The following NEBL variants were observed in gnomAD, a reference collection of about 807,000 sequenced individuals.
NEBL encodes LIM and SH3 protein 2.
Under a neutral mutation model 140.2 loss-of-function variants are expected in NEBL, and 122 were observed. The ratio of observed to expected loss-of-function variants is 0.87; its 90% CI spans 0.75 to 1.01. The LOEUF is 1.01. Ranked by LOEUF, NEBL falls within the 50% of genes least tolerant of loss-of-function variation. The pLI, the probability that NEBL is intolerant of heterozygous loss-of-function variation, is 0.00. For missense variants in NEBL, 1,365 were observed against 1,231.3 expected, an observed-to-expected ratio of 1.11 and a Z score of -1.62; for synonymous variants, 436 against 398.9, an observed-to-expected ratio of 1.09 and a Z score of -1.11.
intron 3 of NEBL, among the ~76,000 whole-genome samples, chr10:20,962,401 T>C (rs1836094077): frequency 6.6e-6 from 1 of 152,232 alleles, no homozygotes; most frequent in South Asian, 2.1e-4. Context: ...CTTATGAAAA[T>C]ATTTATAAAA....
At chr10:21,007,783 T>C (rs1838192757) in intron 3 of NEBL, among the ~76,000 whole-genome samples, 1 of 152,220 alleles carries the variant, frequency 6.6e-6, no homozygotes, top group Non-Finnish European at 1.5e-5. Context: ...GCTTGTTATA[T>C]AGTAGAATGA....
chr10:20,868,634 G>A (rs1844567739), intron 7 of NEBL, 30 bp downstream of exon 7: 1 of 1,400,804 alleles, frequency 7.1e-7, no homozygotes, highest in Non-Finnish European at 1.0e-6. Flanking sequence ...TCTGAATAAA[G>A]TCATTGTGGA....
At chr10:21,131,783 G>T (rs932008553) in intron 2 of NEBL, among the ~76,000 whole-genome samples, 1 of 152,028 alleles carries the variant, frequency 6.6e-6, no homozygotes, top group Non-Finnish European at 1.5e-5. Flanking sequence ...ATAAGGAGAA[G>T]AAAAAAATAA....
intron 20 of NEBL, among the ~76,000 whole-genome samples, chr10:20,818,482 C>G (rs925040127): frequency 3.9e-4 from 60 of 152,276 alleles, no homozygotes; most frequent in African/African-American, 1.4e-3. Flanking sequence ...TCACAACAGA[C>G]TATTGAATGA....
At chr10:21,033,425 GA>G (rs1833877913) in intron 2 of NEBL, among the ~76,000 whole-genome samples, 1 of 152,126 alleles carries the variant, frequency 6.6e-6, no homozygotes, top group African/African-American at 2.4e-5. Flanking sequence ...CTATTTTTAA[GA>G]AAAGACCATG....
At chr10:21,111,030 T>A (rs1368139344) in intron 2 of NEBL, 4 of 297,314 alleles carry the variant, frequency 1.3e-5, no homozygotes, top group Non-Finnish European at 2.6e-5. Context: ...GGAATTTAAC[T>A]TACAAGGGAT....
chr10:21,019,132 A>G lies in NEBL; in HGVS notation c.249+985T>C, dbSNP rs939328044. 3.0e-4 allele frequency among the ~76,000 whole-genome samples: 46 copies of G among 152,150 alleles called. 2 individuals carry two copies. The highest frequency in any genetic ancestry group is 5.9e-5 in the Non-Finnish European group (4 of 68,042). On this transcript the variant is annotated intron_variant, in intron 3 of 6. Coordinates refer to the NEBL transcript ENST00000417816. ...TCTGTGCGTTTCCCTTTCATATACC[A>G]GGAATTCTCAGGGACCATCATTATC...
At chr10:21,018,497 A>G (rs2131764143) in intron 3 of NEBL, among the ~76,000 whole-genome samples, 1 of 152,320 alleles carries the variant, frequency 6.6e-6, no homozygotes, top group Non-Finnish European at 1.5e-5. Flanking sequence ...AACCAAAACC[A>G]GTATACAAAC....
chr10:20,847,627 G>A (rs1304411946), intron 11 of NEBL, among the ~76,000 whole-genome samples: 1 of 152,028 alleles, frequency 6.6e-6, no homozygotes, highest in African/African-American at 2.4e-5. Flanking sequence ...GAGGGGAGGG[G>A]GTAAAGGGAA....
At chr10:20,898,058 T>G (rs1368405519), upstream of NEBL, among the ~76,000 whole-genome samples, 1 of 152,168 alleles carries the variant, frequency 6.6e-6, no homozygotes, top group East Asian at 1.9e-4. Context: ...ACAAAGTCAT[T>G]GGTGATTTGC....
chr10:20,954,537 T>C (rs1199174306), intron 4 of NEBL, among the ~76,000 whole-genome samples: 7 of 152,276 alleles, frequency 4.6e-5, no homozygotes, highest in Non-Finnish European at 7.4e-5. Flanking sequence ...CCCACGGCAA[T>C]GAAAATTCAG....
At chr10:21,207,743 A>G (rs1841850093) in intron 3 of NEBL, among the ~76,000 whole-genome samples, 1 of 152,118 alleles carries the variant, frequency 6.6e-6, no homozygotes, top group Non-Finnish European at 1.5e-5. Flanking sequence ...AGGTCCTAGC[A>G]CTGGAAAAGC....
At chr10:21,012,110 C>T (rs1346453581) in intron 3 of NEBL, among the ~76,000 whole-genome samples, 1 of 152,116 alleles carries the variant, frequency 6.6e-6, no homozygotes, top group East Asian at 1.9e-4. Context: ...AGCCTGCAGT[C>T]AGCAGAGAGA....
intron 4 of NEBL, among the ~76,000 whole-genome samples, chr10:20,944,889 A>G (rs760843182): frequency 1.4e-4 from 22 of 152,214 alleles, no homozygotes; most frequent in Non-Finnish European, 2.6e-4. Context: ...CCGGCTCAAC[A>G]GTCAGACATA....
chr10:21,214,935 A>C (rs1841969183), intron 3 of NEBL, among the ~76,000 whole-genome samples: 1 of 152,120 alleles, frequency 6.6e-6, no homozygotes, highest in Admixed American at 6.6e-5. Context: ...ATCTCCTGGA[A>C]TCTAGCTCCC....
chr10:21,179,793 G>T (rs1302567254), upstream of NEBL, among the ~76,000 whole-genome samples: 2 of 152,056 alleles, frequency 1.3e-5, no homozygotes, highest in African/African-American at 4.8e-5. Flanking sequence ...GAAGACGGAG[G>T]AAGGGGAAGG....
At chr10:20,961,305 G>A (rs550753237) in intron 4 of NEBL, among the ~76,000 whole-genome samples, 26 of 152,084 alleles carry the variant, frequency 1.7e-4, no homozygotes, top group Admixed American at 9.8e-4. Flanking sequence ...ACACCTAGTC[G>A]GCAAATAGGA....
Position 20,808,541 on chromosome 10 carries a change from G to T in NEBL, c.2730C>A (p.Cys910Ter). 6.2e-7 allele frequency: 1 copy of T among 1,613,896 alleles called. No homozygotes were observed. The highest frequency in any genetic ancestry group is 1.1e-5 in the South Asian group (1 of 91,082). The change falls in exon 26 of 28, where the codon TGC (cysteine) becomes TGA (stop). Residue 910 changes from cysteine (C) to a stop codon, truncating the protein, a stop_gained. Transcript: ENST00000377122. LOFTEE classifies it high-confidence loss of function. Reference sequence around the variant, plus strand: ...CATCAGACGGTCTTGTTACCTCACTGCAGCATGAAAAGCTAGGGTAAATCT... The same window carrying T: ...CATCAGACGGTCTTGTTACCTCACTTCAGCATGAAAAGCTAGGGTAAATCT... The part of the protein sequence containing the change: ...ISEIYPSFSC[C>*]SEVTRPSDEG...
chr10:21,253,585 C>T (rs918511065), intron 1 of NEBL, among the ~76,000 whole-genome samples: 13 of 145,694 alleles, frequency 8.9e-5, no homozygotes, highest in Admixed American at 5.6e-4. Flanking sequence ...CTCTTGTTGC[C>T]GAGGCTGGAG....
Sources: gnomAD v4.1 joint callset for allele counts (sites outside exome capture counted in the v4.1 genomes callset) on GRCh38, gnomAD v4.1.1 for gene constraint, MANE v1.5 for transcripts, NCBI Gene and HGNC (gene_info 2026-07-23, HGNC 2026-07-21) for gene names.